Variants in CAMTA1 observed in about 807,000 individuals in gnomAD.
The protein encoded by CAMTA1 is calmodulin binding transcription activator 1, also known as calmodulin-binding transcription activator 1.
Under a neutral mutation model 170.9 loss-of-function variants are expected in CAMTA1, and 27 were observed. That is an observed-to-expected ratio of 0.16 (90% CI 0.12 to 0.22). The LOEUF (loss-of-function observed/expected upper bound fraction) is 0.22, where lower values mean the gene tolerates loss of function less well. CAMTA1 is among the 10% of genes least tolerant of loss of function. The pLI is 1.00. For synonymous variants in CAMTA1, 833 were observed against 891.5 expected (o/e 0.93, Z 1.17); for missense variants, 1,619 against 2,217.2 (o/e 0.73, Z 5.42).
intron 3 of CAMTA1, among the ~76,000 whole-genome samples, chr1:6,911,299 G>T (rs898279186): frequency 2.6e-5 from 4 of 152,216 alleles, no homozygotes; most frequent in African/African-American, 9.6e-5. Context: ...GCATGAAGAA[G>T]CCCACTGGAG....
chr1:7,654,469 T>TAC (rs1387808746), intron 7 of CAMTA1, among the ~76,000 whole-genome samples: 1 of 151,428 alleles, frequency 6.6e-6, no homozygotes, highest in Non-Finnish European at 1.5e-5. Flanking sequence ...CCTTGAACTG[T>TAC]ACACACACAC....
In CAMTA1 at chr1:6,966,205, C is replaced by T. The variant is rs74419169; in HGVS notation, c.235-125099C>T. Among the ~76,000 whole-genome samples, 1,450 of 152,234 alleles carry T rather than the reference C, an allele frequency of 9.5e-3. 28 individuals are homozygous for T. Among genetic ancestry groups the T allele is most frequent in the African/African-American group, 0.033 (1,387 of 41,510 alleles). ...AAATTACGATGTAATTAACATATCA[C>T]GCAATTTACTCATTTTAAGTATTCA... On this transcript the variant is annotated intron_variant, in intron 3 of 22. Transcript: ENST00000303635.
intron 6 of CAMTA1, among the ~76,000 whole-genome samples, chr1:7,613,632 C>A (rs1043791221): frequency 2.6e-5 from 4 of 151,994 alleles, no homozygotes; most frequent in African/African-American, 9.7e-5. Context: ...CATTGCCAAG[C>A]AGGGAATGGG....
chr1:7,415,611 G>A (rs1279880619), intron 5 of CAMTA1, among the ~76,000 whole-genome samples: 1 of 152,006 alleles, frequency 6.6e-6, no homozygotes, highest in Admixed American at 6.6e-5. Context: ...CCATTTGCTT[G>A]GTAGATCTTC....
At chr1:7,429,467 CAG>C (rs1341158705) in intron 5 of CAMTA1, among the ~76,000 whole-genome samples, 1 of 151,130 alleles carries the variant, frequency 6.6e-6, no homozygotes, top group Non-Finnish European at 1.5e-5. Context: ...GTGATGATGA[CAG>C]TGATAATACG....
intron 4 of CAMTA1, among the ~76,000 whole-genome samples, chr1:7,096,725 G>C (rs1642123276): frequency 6.6e-6 from 1 of 152,162 alleles, no homozygotes; most frequent in Non-Finnish European, 1.5e-5. Flanking sequence ...TGTCCTCACT[G>C]CCACTGTTAC....
chr1:7,306,096 C>G (rs1431620495), intron 5 of CAMTA1, among the ~76,000 whole-genome samples: 1 of 152,014 alleles, frequency 6.6e-6, no homozygotes, highest in Non-Finnish European at 1.5e-5. Context: ...TGAAAAGTGT[C>G]TCCTAGAAGA....
At chr1:7,254,679 C>T (rs1667102874) in intron 5 of CAMTA1, among the ~76,000 whole-genome samples, 1 of 152,104 alleles carries the variant, frequency 6.6e-6, no homozygotes, top group South Asian at 2.1e-4. Context: ...AAAAAGAAAG[C>T]ACCTCTTTTA....
chr1:7,567,977 C>T (rs1212769872), intron 6 of CAMTA1, among the ~76,000 whole-genome samples: 1 of 152,116 alleles, frequency 6.6e-6, no homozygotes, highest in East Asian at 1.9e-4. Context: ...TGGGTTGTTG[C>T]CAGAATTAAG....
At chr1:7,274,492 C>A (rs1349411341) in intron 5 of CAMTA1, among the ~76,000 whole-genome samples, 1 of 152,140 alleles carries the variant, frequency 6.6e-6, no homozygotes, top group Non-Finnish European at 1.5e-5. Context: ...GGATAAATTT[C>A]ACAATTGTAG....
chr1:7,350,789 C>T (rs553800163), intron 5 of CAMTA1, among the ~76,000 whole-genome samples: 1 of 152,184 alleles, frequency 6.6e-6, no homozygotes, highest in East Asian at 1.9e-4. Context: ...AACACATATG[C>T]ACCATGCTTT....
At chr1:7,741,724 G>A (rs978032358) in intron 16 of CAMTA1, among the ~76,000 whole-genome samples, 6 of 151,884 alleles carry the variant, frequency 4.0e-5, no homozygotes, top group Non-Finnish European at 7.4e-5. Context: ...GTGAAACTCC[G>A]TCTCTACTAA....
At chr1:6,994,914 C>T (rs376179989) in intron 3 of CAMTA1, among the ~76,000 whole-genome samples, 70 of 152,264 alleles carry the variant, frequency 4.6e-4, no homozygotes, top group Non-Finnish European at 7.4e-4. Flanking sequence ...GTGATCCTCC[C>T]GCCTTGGCCT....
chr1:7,410,929 CTGTG>C (rs1365284392), intron 5 of CAMTA1, among the ~76,000 whole-genome samples: 2 of 147,722 alleles, frequency 1.4e-5, no homozygotes, highest in Non-Finnish European at 3.0e-5. Flanking sequence ...GTGTGTATGT[CTGTG>C]TGTATGTGTG....
At chr1:7,071,659 C>G (rs1285488596) in intron 3 of CAMTA1, among the ~76,000 whole-genome samples, 1 of 152,166 alleles carries the variant, frequency 6.6e-6, no homozygotes, top group Non-Finnish European at 1.5e-5. Flanking sequence ...TAATATCTAA[C>G]CATTAAACAC....
At chr1:6,945,069 G>T (rs1408167734) in intron 3 of CAMTA1, among the ~76,000 whole-genome samples, 1 of 152,284 alleles carries the variant, frequency 6.6e-6, no homozygotes, top group South Asian at 2.1e-4. Context: ...AGAGGGCAGG[G>T]ATCTTGTGTG....
chr1:6,975,226 C>T (rs1028025449), intron 3 of CAMTA1, among the ~76,000 whole-genome samples: 6 of 152,276 alleles, frequency 3.9e-5, no homozygotes, highest in South Asian at 2.1e-4. Context: ...AAAATAGGGA[C>T]GTTCAGCATG....
chr1:7,363,820 C>T (rs1018795843), intron 5 of CAMTA1, among the ~76,000 whole-genome samples: 2 of 152,120 alleles, frequency 1.3e-5, no homozygotes, highest in African/African-American at 4.8e-5. Context: ...CTCCAATAAG[C>T]ATTTGTAGAT....
At chr1:6,997,806 G>A (rs572425727) in intron 3 of CAMTA1, among the ~76,000 whole-genome samples, 2 of 151,544 alleles carry the variant, frequency 1.3e-5, no homozygotes, top group East Asian at 2.0e-4. Context: ...GATTACAGGC[G>A]TGCACCACCA....
Sources: gnomAD v4.1 joint callset for allele counts (sites outside exome capture counted in the v4.1 genomes callset) on GRCh38, gnomAD v4.1.1 for gene constraint, MANE v1.5 for transcripts, NCBI Gene and HGNC (gene_info 2026-07-23, HGNC 2026-07-21) for gene names.